STAMBPL1: variants seen among roughly 807,000 people sequenced by gnomAD.
The protein encoded by STAMBPL1 is STAM binding protein like 1, also known as AMSH-like protease.
A neutral mutation model predicts 52.9 loss-of-function variants in STAMBPL1; 44 were observed. That is an observed-to-expected ratio of 0.83 (90% CI 0.65 to 1.07). STAMBPL1 has a LOEUF of 1.07. Ranked by LOEUF, STAMBPL1 falls within the 50% of genes least tolerant of loss-of-function variation. The pLI, the probability that STAMBPL1 is intolerant of heterozygous loss-of-function variation, is 0.00. For missense variants in STAMBPL1, 511 were observed against 520.8 expected, an observed-to-expected ratio of 0.98 and a Z score of 0.18; for synonymous variants, 164 against 177.3, an observed-to-expected ratio of 0.92 and a Z score of 0.60.
At chr10:88,883,423 C>A (rs1589344618) in intron 1 of STAMBPL1, among the ~76,000 whole-genome samples, 1 of 152,194 alleles carries the variant, frequency 6.6e-6, no homozygotes, top group Non-Finnish European at 1.5e-5. Context: ...TTCCACCTAT[C>A]TGAACATGTG....
chr10:88,881,181 A>T (rs528795256), intron 1 of STAMBPL1, among the ~76,000 whole-genome samples: 60 of 152,270 alleles, frequency 3.9e-4, no homozygotes, highest in African/African-American at 1.3e-3. Context: ...TCACCTGAAT[A>T]ACTTAAAGCT....
intron 1 of STAMBPL1, among the ~76,000 whole-genome samples, chr10:88,898,143 C>T (rs2133154157): frequency 6.6e-6 from 1 of 152,246 alleles, no homozygotes; most frequent in Middle Eastern, 3.4e-3. Context: ...CCTTTACACT[C>T]TTAATTACTA....
At position 88,901,738 on chromosome 10, in the gene STAMBPL1, G is replaced by C; in HGVS notation, c.30G>C (p.Leu10=). 1 of 1,612,032 alleles carries C rather than the reference G, an allele frequency of 6.2e-7. No individual in the cohort carries two copies. The highest frequency in any genetic ancestry group is 8.5e-7 in the Non-Finnish European group (1 of 1,179,082). The part of the protein sequence containing the change: MDQPFTVNS[L]KKLAAMPDHT... ...ATCAGCCTTTTACTGTGAATTCTCT[G>C]GTAGGTCACACCAGCTGATATCTAA... The change falls in exon 2 of 11, where the codon CTG becomes CTC. Residue 10 remains leucine (L), a splice_region_variant and synonymous_variant. Coordinates refer to ENST00000371926, the MANE Select transcript of STAMBPL1 (RefSeq NM_020799.4).
intron 1 of STAMBPL1, among the ~76,000 whole-genome samples, chr10:88,896,101 G>GA (rs893969705): frequency 1.3e-5 from 2 of 152,176 alleles, no homozygotes; most frequent in South Asian, 2.1e-4. Flanking sequence ...CAAATATAGG[G>GA]AAAAAATCCA....
intron 4 of STAMBPL1, among the ~76,000 whole-genome samples, chr10:88,909,378 A>C (rs1005562580): frequency 6.6e-6 from 1 of 152,184 alleles, no homozygotes; most frequent in African/African-American, 2.4e-5. Flanking sequence ...CTTTTAAATA[A>C]ACATTTACAA....
At chr10:88,903,468 G>T (rs981845353) in intron 2 of STAMBPL1, among the ~76,000 whole-genome samples, 2 of 152,164 alleles carry the variant, frequency 1.3e-5, no homozygotes, top group African/African-American at 4.8e-5. Context: ...AGTTCATAAG[G>T]GATCAGATAC....
Position 88,913,101 on chromosome 10 carries a change from A to T in STAMBPL1, c.421A>T (p.Asn141Tyr). The T allele has an allele frequency of 6.3e-7, 1 of 1,577,790 alleles. No homozygotes were observed. The highest frequency in any genetic ancestry group is 8.6e-7 in the Non-Finnish European group (1 of 1,163,242). Residue 141 changes from asparagine (N) to tyrosine (Y), a missense_variant and splice_region_variant, in exon 6 of 11, where the codon AAC becomes TAC. Around this residue, in one of 3 missense-constraint regions of STAMBPL1, gnomAD observed 358 missense variants for 343.5 expected, o/e 1.04. Transcript: ENST00000371926. ...VEYQEYLQSKNKYKAEILKKL... is the reference protein window; with the variant it reads ...VEYQEYLQSKYKYKAEILKKL... The stretch of plus-strand genomic sequence containing the variant: ...CTCTTCTGGCTGCCACACTTTTTAG[A>T]ACAAATATAAAGCTGAAATTCTCAA...
Position 88,923,411 on chromosome 10 carries a change from A to T in STAMBPL1, c.*187A>T, listed in dbSNP as rs1845564671. ...TTTTTGGGTTGCTCTGTGTCAAGAG[A>T]GGTTACATGGTGTTAAATCGGTACC... On this transcript the variant is annotated 3_prime_UTR_variant, in exon 11 of 11. Transcript: ENST00000371926. The T allele has an allele frequency of 7.4e-7, 1 of 1,347,334 alleles. No individual in the cohort carries two copies. Among genetic ancestry groups the T allele is most frequent in the Non-Finnish European group, 9.5e-7 (1 of 1,055,818 alleles). 83.5% of individuals were successfully genotyped at this position (1,347,334 alleles called of 1,614,324 possible). A position where few individuals can be genotyped will look rare whatever the true frequency, so the allele number is the denominator to read the frequency against.
At chr10:88,903,325 T>C (rs1589365536) in intron 2 of STAMBPL1, among the ~76,000 whole-genome samples, 1 of 152,228 alleles carries the variant, frequency 6.6e-6, no homozygotes, top group East Asian at 1.9e-4. Flanking sequence ...TATAATCTCT[T>C]GTTGCTTCCT....
At chr10:88,921,184 T>C in intron 8 of STAMBPL1, 99 bp from the exon 9 acceptor site, 2 of 848,058 alleles carry the variant, frequency 2.4e-6, no homozygotes, top group Non-Finnish European at 3.6e-6. Flanking sequence ...TGATTAATGA[T>C]GGTAAAAACT....
At chr10:88,920,702 G>A (rs1442135992) in intron 8 of STAMBPL1, among the ~76,000 whole-genome samples, 13 of 151,970 alleles carry the variant, frequency 8.6e-5, no homozygotes, top group South Asian at 2.1e-4. Flanking sequence ...GTTGCTATGC[G>A]AGATTAGTCC....
chr10:88,883,743 C>A (rs1037969962), intron 1 of STAMBPL1, among the ~76,000 whole-genome samples: 3 of 152,136 alleles, frequency 2.0e-5, no homozygotes, highest in Non-Finnish European at 4.4e-5. Flanking sequence ...ATTAATTTGA[C>A]TGGTGGTTGC....
At chr10:88,919,657 A>T (rs1417888311) in intron 8 of STAMBPL1, among the ~76,000 whole-genome samples, 2 of 152,092 alleles carry the variant, frequency 1.3e-5, no homozygotes, top group Non-Finnish European at 2.9e-5. Context: ...GCTGTCAGAT[A>T]CTCCCACTCA....
rs144583722 is a variant in STAMBPL1 at position 88,898,101 on chromosome 10, C to A, written c.-53-3555C>A. 1.8e-3 allele frequency among the ~76,000 whole-genome samples: 271 copies of A among 152,142 alleles called. 1 individual carries two copies. Among genetic ancestry groups the A allele is most frequent in the African/African-American group, 6.2e-3 (259 of 41,498 alleles). ...TTCATTTGCATTGTTGATCTAGAGC[C>A]GTGGTTTTCAGACTTTATTGGTCTT... On this transcript the variant is annotated intron_variant, in intron 1 of 10. Coordinates refer to ENST00000371926, the MANE Select transcript of STAMBPL1 (RefSeq NM_020799.4).
At chr10:88,922,085 G>A (rs2133222056) in intron 9 of STAMBPL1, among the ~76,000 whole-genome samples, 1 of 151,996 alleles carries the variant, frequency 6.6e-6, no homozygotes, top group South Asian at 2.1e-4. Context: ...TTTCCTCTGG[G>A]GTCACACACG....
Position 88,921,338 on chromosome 10 carries a change from C to T in STAMBPL1, c.1097C>T (p.Ser366Phe). 1.2e-6 allele frequency: 2 copies of T among 1,613,380 alleles called. No individual in the cohort carries two copies. Among genetic ancestry groups the T allele is most frequent in the Non-Finnish European group, 1.7e-6 (2 of 1,179,516 alleles). ...LSSVDLHTHC[S>F]YQLMLPEAIA... ...AGCGTTGATCTTCACACTCACTGTT[C>T]CTATCAACTCATGTTGCCAGAGGCC... The change falls in exon 9 of 11, where the codon TCC becomes TTC. Residue 366 changes from serine to phenylalanine, a missense_variant. By Grantham distance (155) the Ser-to-Phe change is radical (BLOSUM62 -2). This residue lies in a region of STAMBPL1 where 137 missense variants were observed against 139.9 expected (regional missense o/e 0.98). Coordinates refer to ENST00000371926, the MANE Select transcript of STAMBPL1 (RefSeq NM_020799.4).
At chr10:88,887,876 A>AC (rs1844577794) in intron 1 of STAMBPL1, among the ~76,000 whole-genome samples, 1 of 152,112 alleles carries the variant, frequency 6.6e-6, no homozygotes, top group South Asian at 2.1e-4. Flanking sequence ...TCAGTAAACC[A>AC]CCCTTTTGAG....
In STAMBPL1 at chr10:88,913,387, C is replaced by G; in HGVS notation, c.707C>G (p.Thr236Ser). The G allele has an allele frequency of 6.2e-7, 1 of 1,613,776 alleles. No homozygotes were observed. Among genetic ancestry groups the G allele is most frequent in the Non-Finnish European group, 8.5e-7 (1 of 1,179,830 alleles). The change falls in exon 6 of 11, where the codon ACC (threonine) becomes AGC (serine). Residue 236 changes from threonine to serine, a missense_variant. Around this residue, in one of 3 missense-constraint regions of STAMBPL1, gnomAD observed 358 missense variants for 343.5 expected, o/e 1.04. Coordinates refer to ENST00000371926, the MANE Select transcript of STAMBPL1 (RefSeq NM_020799.4). ...GATCAACCTAATAAAAGTGATGCAA[C>G]CAATTATGCTAGCCACTCTCCTCCT... The part of the protein sequence containing the change: ...FADQPNKSDA[T>S]NYASHSPPVN...
At chr10:88,911,066 G>A in intron 5 of STAMBPL1, 55 bp downstream of exon 5, 1 of 1,199,078 alleles carries the variant, frequency 8.3e-7, no homozygotes, top group South Asian at 1.6e-5. Context: ...AGTATTTTTT[G>A]AATTTCATTT....
Sources: gnomAD v4.1 joint callset for allele counts (sites outside exome capture counted in the v4.1 genomes callset) on GRCh38, gnomAD v4.1.1 for gene constraint, gnomAD v4.1.1 regional missense constraint, MANE v1.5 for transcripts, NCBI Gene and HGNC (gene_info 2026-07-23, HGNC 2026-07-21) for gene names.